The following ZNF728 variants were observed in gnomAD, a reference collection of about 807,000 sequenced individuals.
ZNF728 encodes zinc finger protein 728.
A neutral mutation model predicts 12.5 loss-of-function variants in ZNF728; 12 were observed. The ratio of observed to expected loss-of-function variants is 0.96; its 90% CI spans 0.61 to 1.55. ZNF728 has a LOEUF of 1.55. Among genes scored for constraint, ZNF728 ranks in the 40% most tolerant of loss-of-function variants. ZNF728 has a pLI of 0.00. For missense variants in ZNF728, 692 were observed against 719.2 expected, an observed-to-expected ratio of 0.96 and a Z score of 0.43; for synonymous variants, 205 against 240.7, an observed-to-expected ratio of 0.85 and a Z score of 1.37.
In ZNF728 at chr19:23,003,037, G is replaced by A. The variant is rs564152302; in HGVS notation, c.-7C>T. On this transcript the variant is annotated 5_prime_UTR_variant, in exon 1 of 4. Transcript: ENST00000594710. ...GACCCGGCTGACTCACCATTTCTAG[G>A]CTTCCGGGGGTCCTGGCGACTTAGT... is the stretch of plus-strand genomic sequence containing the variant. 2.5e-6 allele frequency: 4 copies of A among 1,583,842 alleles called. No homozygotes were observed. In the East Asian group the frequency reaches 9.2e-5, roughly 37 times the overall value.
At chr19:22,987,448 C>G in intron 2 of ZNF728, 45 bp from the exon 3 acceptor site, 1 of 1,526,182 alleles carries the variant, frequency 6.6e-7, no homozygotes, top group Non-Finnish European at 8.8e-7. Context: ...TCATATTCTC[C>G]AATTAACAAC....
At chr19:22,982,033 A>T (rs1368293215) in intron 3 of ZNF728, among the ~76,000 whole-genome samples, 1 of 152,178 alleles carries the variant, frequency 6.6e-6, no homozygotes, top group Non-Finnish European at 1.5e-5. Context: ...TGGTGAGGGC[A>T]ATCAGGCAAG....
chr19:22,975,579 A>G lies in ZNF728; in HGVS notation c.1758T>C (p.His586=). ...VSVLNKHKKI[H]AGKKFYKCEE... is the part of the protein sequence containing the mutation. ...CACATTTGTAGAATTTCTTTCCAGCATGAATTTTCTTATGTTTGTTAAGGA... is the reference window on the plus strand; with the variant it reads ...CACATTTGTAGAATTTCTTTCCAGCGTGAATTTTCTTATGTTTGTTAAGGA... Residue 586 remains histidine, a synonymous_variant, in exon 4 of 4, where the codon CAT becomes CAC. Transcript: ENST00000594710. 6.2e-7 allele frequency: 1 copy of G among 1,602,086 alleles called. No individual in the cohort carries two copies. Among genetic ancestry groups the G allele is most frequent in the Non-Finnish European group, 8.5e-7 (1 of 1,175,538 alleles).
At chr19:23,000,778 G>A (rs1439721623) in intron 1 of ZNF728, among the ~76,000 whole-genome samples, 2 of 141,748 alleles carry the variant, frequency 1.4e-5, no homozygotes, top group Non-Finnish European at 3.0e-5. Context: ...TGAGGCATGA[G>A]AATCACTTGA....
rs778361196 is a variant in ZNF728, at chr19:22,975,482, T to C, written c.1855A>G (p.Thr619Ala). ...THKRIHTGGK[T>A]LQM ...TGCCACATTTTTCACATTTGTAGGGTTTTTCCTCCAGTATGAATTCTCTTA... is the reference window on the plus strand; with the variant it reads ...TGCCACATTTTTCACATTTGTAGGGCTTTTCCTCCAGTATGAATTCTCTTA... The change falls in exon 4 of 4, where the codon ACC becomes GCC. Residue 619 changes from threonine (T) to alanine (A), a missense_variant. Physicochemically the swap from Thr to Ala is moderately conservative, Grantham distance 58 (BLOSUM62 0). This residue lies in a region of ZNF728 where 244 missense variants were observed against 235.2 expected (regional missense o/e 1.04). Coordinates refer to ENST00000594710, the MANE Select transcript of ZNF728 (RefSeq NM_001267716.2). 3.9e-6 allele frequency: 6 copies of C among 1,545,976 alleles called. 1 individual carries two copies. In the South Asian group the frequency reaches 7.5e-5, roughly 19 times the overall value.
intron 1 of ZNF728, among the ~76,000 whole-genome samples, chr19:22,992,872 T>C (rs900159114): frequency 3.3e-5 from 5 of 152,180 alleles, no homozygotes; most frequent in Non-Finnish European, 5.9e-5. Context: ...CCTGGGCTGA[T>C]GGTCCACTGA....
chr19:22,988,438 A>C lies in ZNF728; in HGVS notation c.17T>G (p.Phe6Cys). The C allele has an allele frequency of 6.2e-7, 1 of 1,613,992 alleles. No homozygotes were observed. The highest frequency in any genetic ancestry group is 1.6e-4 in the Middle Eastern group (1 of 6,062). ...AGAGAATTGTATGGCCACATCCCGAAATGTCAACGATCCCTGGAAAACACA... is the reference window on the plus strand; with the variant it reads ...AGAGAATTGTATGGCCACATCCCGACATGTCAACGATCCCTGGAAAACACA... The part of the protein sequence containing the change: MGSLT[F>C]RDVAIQFSLE... Residue 6 changes from phenylalanine to cysteine, a missense_variant, in exon 2 of 4, where the codon TTT (phenylalanine) becomes TGT (cysteine). Transcript: ENST00000594710.
intron 1 of ZNF728, among the ~76,000 whole-genome samples, chr19:22,989,712 A>G (rs1021391619): frequency 3.3e-5 from 5 of 152,196 alleles, no homozygotes; most frequent in African/African-American, 1.2e-4. Flanking sequence ...CAAGATACAG[A>G]TATCTCCCAT....
At chr19:22,993,142 C>T (rs1321596448) in intron 1 of ZNF728, among the ~76,000 whole-genome samples, 1 of 152,162 alleles carries the variant, frequency 6.6e-6, no homozygotes, top group Non-Finnish European at 1.5e-5. Context: ...CTATTTACTC[C>T]GGGAGCCTCT....
rs1223541883 is a variant in ZNF728 at position 22,976,730 on chromosome 19, T to C, written c.607A>G (p.Ser203Gly). The C allele has an allele frequency of 6.2e-7, 1 of 1,613,430 alleles. No individual in the cohort carries two copies. The highest frequency in any genetic ancestry group is 8.5e-7 in the Non-Finnish European group (1 of 1,179,904). Residue 203 changes from serine to glycine, a missense_variant, in exon 4 of 4, where the codon AGT becomes GGT. Physicochemically the swap from Ser to Gly is moderately conservative, Grantham distance 56. Around this residue, in one of 3 missense-constraint regions of ZNF728, gnomAD observed 440 missense variants for 459.6 expected, o/e 0.96. Coordinates refer to ENST00000594710, the MANE Select transcript of ZNF728 (RefSeq NM_001267716.2). Reference protein sequence around the residue: ...RIYTRENSYKSEEHGKAFNWS... With the variant: ...RIYTRENSYKGEEHGKAFNWS... ...TTAAAGGCTTTGCCATGTTCTTCAC[T>C]TTTGTAGGAATTCTCTCTAGTATAA...
intron 1 of ZNF728, among the ~76,000 whole-genome samples, chr19:23,000,131 G>T (rs1969091891): frequency 6.6e-6 from 1 of 152,070 alleles, no homozygotes; most frequent in Admixed American, 6.6e-5. Context: ...CACTTTGTGG[G>T]GCCAAGGCAG....
In ZNF728 at chr19:22,975,599, T is replaced by C; in HGVS notation, c.1738A>G (p.Asn580Asp). 6.2e-7 allele frequency: 1 copy of C among 1,609,012 alleles called. No individual in the cohort carries two copies. Among genetic ancestry groups the C allele is most frequent in the Non-Finnish European group, 8.5e-7 (1 of 1,178,822 alleles). Reference sequence around the variant, plus strand: ...CCAGCATGAATTTTCTTATGTTTGTTAAGGACTGAGACCCAGCTAAAGGCT... The same window carrying C: ...CCAGCATGAATTTTCTTATGTTTGTCAAGGACTGAGACCCAGCTAAAGGCT... ...GKAFSWVSVL[N>D]KHKKIHAGKK... The change falls in exon 4 of 4, where the codon AAC becomes GAC. Residue 580 changes from asparagine (N) to aspartate (D), a missense_variant. Around this residue, in one of 3 missense-constraint regions of ZNF728, gnomAD observed 244 missense variants for 235.2 expected, o/e 1.04. Transcript: ENST00000594710.
rs1249626814 is a variant in ZNF728 at position 22,975,458 on chromosome 19, G to A, written c.*10C>T. 1.3e-6 allele frequency: 2 copies of A among 1,532,420 alleles called. No individual in the cohort carries two copies. Among genetic ancestry groups the A allele is most frequent in the East Asian group, 4.7e-5 (2 of 42,922 alleles). The allele number at this position is 1,532,420 out of a possible 1,614,324, so 94.9% of individuals were successfully genotyped here. ...GGGTTAAGAACTAATTGAAAGCTTT[G>A]CCACATTTTTCACATTTGTAGGGTT... On this transcript the variant is annotated 3_prime_UTR_variant, in exon 4 of 4. Transcript: ENST00000594710.
intron 3 of ZNF728, among the ~76,000 whole-genome samples, chr19:22,978,045 G>C (rs1968824639): frequency 1.3e-5 from 2 of 151,534 alleles, no homozygotes; most frequent in Admixed American, 1.3e-4. Flanking sequence ...AATACAAAAA[G>C]AAATAACTGA....
At chr19:22,998,355 A>T (rs1467791808) in intron 1 of ZNF728, among the ~76,000 whole-genome samples, 2 of 68,194 alleles carry the variant, frequency 2.9e-5, no homozygotes, top group East Asian at 3.1e-4. Context: ...TCCCATCTAT[A>T]AAAAAAAAAA....
intron 3 of ZNF728, among the ~76,000 whole-genome samples, chr19:22,980,995 C>T (rs74839437): frequency 6.6e-6 from 1 of 151,400 alleles, no homozygotes; most frequent in African/African-American, 2.4e-5. Context: ...AAATTCAAAC[C>T]CTAGCAGAAG....
intron 3 of ZNF728, among the ~76,000 whole-genome samples, 161 bp from the exon 4 acceptor site, chr19:22,977,271 A>G (rs546926845): frequency 2.9e-4 from 44 of 152,330 alleles, no homozygotes; most frequent in African/African-American, 9.9e-4. Flanking sequence ...AAGCATACAG[A>G]CCAAAATACA....
Position 22,975,434 on chromosome 19 carries a change from G to A in ZNF728, c.*34C>T. 4.7e-6 allele frequency: 7 copies of A among 1,498,216 alleles called. No individual in the cohort carries two copies. The highest frequency in any genetic ancestry group is 6.3e-6 in the Non-Finnish European group (7 of 1,119,876). The allele number at this position is 1,498,216 out of a possible 1,614,324, so 92.8% of individuals were successfully genotyped here. ...TATAAATACCCTTATGTTCAGTAAG[G>A]GTTAAGAACTAATTGAAAGCTTTGC... On this transcript the variant is annotated 3_prime_UTR_variant, in exon 4 of 4. Coordinates refer to ENST00000594710, the MANE Select transcript of ZNF728 (RefSeq NM_001267716.2).
chr19:22,998,710 A>C (rs549325347), intron 1 of ZNF728, among the ~76,000 whole-genome samples: 2 of 152,238 alleles, frequency 1.3e-5, no homozygotes, highest in Non-Finnish European at 1.5e-5. Flanking sequence ...ATGGAAGAAA[A>C]GTATAGAACC....
Sources: gnomAD v4.1 joint callset for allele counts (sites outside exome capture counted in the v4.1 genomes callset) on GRCh38, gnomAD v4.1.1 for gene constraint, gnomAD v4.1.1 regional missense constraint, MANE v1.5 for transcripts, NCBI Gene and HGNC (gene_info 2026-07-23, HGNC 2026-07-21) for gene names.